CMBL: variants seen among roughly 807,000 people sequenced by gnomAD.
CMBL encodes the protein carboxymethylenebutenolidase homolog (Pseudomonas).
CMBL carries 17 observed loss-of-function variants against 28.7 expected under a neutral mutation model. The observed-to-expected ratio is 0.59, with a 90% CI of 0.41 to 0.89. The LOEUF (loss-of-function observed/expected upper bound fraction) is 0.89, where lower values mean the gene tolerates loss of function less well. CMBL is among the 40% of genes least tolerant of loss of function. CMBL has a pLI of 0.00. For missense variants in CMBL, 310 were observed against 298.5 expected, an observed-to-expected ratio of 1.04 and a Z score of -0.28; for synonymous variants, 106 against 101.6, an observed-to-expected ratio of 1.04 and a Z score of -0.26.
intron 1 of CMBL, among the ~76,000 whole-genome samples, chr5:10,294,871 T>C (rs1225403466): frequency 6.6e-6 from 1 of 152,100 alleles, no homozygotes; most frequent in Non-Finnish European, 1.5e-5. Flanking sequence ...TGAGAAGGGA[T>C]GTGGGAAGAG....
chr5:10,301,504 C>G (rs73741246), intron 1 of CMBL, among the ~76,000 whole-genome samples: 18,862 of 150,820 alleles, frequency 0.13, 2,105 homozygotes, highest in African/African-American at 0.3. Context: ...GGGGTGGGGG[C>G]GCGTGGGGCA....
At chr5:10,284,449 C>A (rs981769720) in intron 4 of CMBL, among the ~76,000 whole-genome samples, 8 of 152,212 alleles carry the variant, frequency 5.3e-5, no homozygotes, top group African/African-American at 1.9e-4. Context: ...CCAGGCCTAA[C>A]GATGGTTCCA....
rs1276638917 is a variant in CMBL, at chr5:10,301,452, C to T, written c.-20+6173G>A. ...AACTCTCAAGCCATGTTTCCCTCTG[C>T]TCTCACAATACAGCGATCATCAACA... On this transcript the variant is annotated intron_variant, in intron 1 of 5. Coordinates refer to ENST00000296658, the MANE Select transcript of CMBL (RefSeq NM_138809.4). 3.3e-5 allele frequency among the ~76,000 whole-genome samples: 5 copies of T among 152,014 alleles called. No individual in the cohort carries two copies. In the South Asian group the frequency reaches 8.3e-4, roughly 25 times the overall value.
intron 4 of CMBL, among the ~76,000 whole-genome samples, chr5:10,285,818 C>T (rs925380938): frequency 6.6e-6 from 1 of 151,282 alleles, no homozygotes; most frequent in African/African-American, 2.4e-5. Flanking sequence ...CCCACCTCAG[C>T]CTCCGGAGTA....
At chr5:10,286,320 C>T (rs1561062078) in intron 4 of CMBL, 34 bp downstream of exon 4, 1 of 1,601,856 alleles carries the variant, frequency 6.2e-7, no homozygotes, top group South Asian at 1.1e-5. Context: ...CCCCTCCCTT[C>T]TGCATGGAGT....
At chr5:10,288,305 T>C (rs537327559) in intron 3 of CMBL, 117 bp downstream of exon 3, 116 of 741,528 alleles carry the variant, frequency 1.6e-4, no homozygotes, top group South Asian at 5.1e-4. Flanking sequence ...AAGGATTCCA[T>C]TGGCCATGGA....
At chr5:10,300,041 C>T (rs1011121272) in intron 1 of CMBL, among the ~76,000 whole-genome samples, 1 of 152,146 alleles carries the variant, frequency 6.6e-6, no homozygotes, top group African/African-American at 2.4e-5. Context: ...TAAGTCCTAT[C>T]CCCCACTCCC....
chr5:10,304,956 G>A (rs1746970694), intron 1 of CMBL, among the ~76,000 whole-genome samples: 1 of 152,184 alleles, frequency 6.6e-6, no homozygotes, highest in African/African-American at 2.4e-5. Flanking sequence ...TTCCACTGAG[G>A]CACTTTTTAC....
At chr5:10,305,720 T>C (rs542941852) in intron 1 of CMBL, among the ~76,000 whole-genome samples, 1 of 152,084 alleles carries the variant, frequency 6.6e-6, no homozygotes, top group African/African-American at 2.4e-5. Context: ...TATAGGCACA[T>C]GCCACCACGC....
chr5:10,284,648 C>T (rs1380291189), intron 4 of CMBL, among the ~76,000 whole-genome samples: 2 of 152,170 alleles, frequency 1.3e-5, no homozygotes, highest in Non-Finnish European at 2.9e-5. Flanking sequence ...TAGCCTGATG[C>T]AGGTGTTTCG....
intron 1 of CMBL, 89 bp downstream of exon 1, chr5:10,307,533 CCTT>C (rs1485436637): frequency 6.6e-6 from 1 of 152,224 alleles, no homozygotes; most frequent in Admixed American, 6.5e-5. Context: ...GCGGCAAAGA[CCTT>C]CTTTGCCATA....
chr5:10,282,436 G>C, intron 4 of CMBL, 148 bp from the exon 5 acceptor site: 3 of 591,066 alleles, frequency 5.1e-6, no homozygotes, highest in South Asian at 2.1e-5. Flanking sequence ...CTGCTTTGCG[G>C]ACTTTATTTT....
rs762358334 is a variant in CMBL, at chr5:10,290,737, G to A, written c.26C>T (p.Pro9Leu). The A allele has an allele frequency of 1.9e-5, 30 of 1,614,066 alleles. No homozygotes were observed. Among genetic ancestry groups the A allele is most frequent in the East Asian group, 8.9e-5 (4 of 44,900 alleles). The change falls in exon 2 of 6, where the codon CCG (proline) becomes CTG (leucine). Residue 9 changes from proline (P) to leucine (L), a missense_variant. Transcript: ENST00000296658. MANEAYPCPCDIGHRLEYG... is the reference protein window; with the variant it reads MANEAYPCLCDIGHRLEYG... ...CTCAAGTCTGTGGCCAATGTCACAC[G>A]GACAAGGATAAGCTTCGTTAGCCAT...
At position 10,290,724 on chromosome 5, in the gene CMBL, G is replaced by T. The variant is rs1746697459; in HGVS notation, c.39C>A (p.Gly13=). ...NEAYPCPCDI[G]HRLEYGGLGR... ...CTAGCCCTCCATACTCAAGTCTGTG[G>T]CCAATGTCACACGGACAAGGATAAG... Residue 13 remains glycine (G), a synonymous_variant, in exon 2 of 6, where the codon GGC becomes GGA. Transcript: ENST00000296658. The T allele has an allele frequency of 8.7e-6, 14 of 1,614,056 alleles. No homozygotes were observed. Among genetic ancestry groups the T allele is most frequent in the Non-Finnish European group, 1.2e-5 (14 of 1,180,044 alleles).
rs563538146 is a variant in CMBL at position 10,282,086 on chromosome 5, G to A, written c.558+111C>T. On this transcript the variant is annotated intron_variant, in intron 5 of 5. Coordinates refer to ENST00000296658, the MANE Select transcript of CMBL (RefSeq NM_138809.4). ...GAGGCACAAGAATGGCTTGAACCTG[G>A]GAGGTGGAGGTTGCAGTGAGCCGAG... 423 of 712,754 alleles carry A rather than the reference G, an allele frequency of 5.9e-4. 4 individuals are homozygous for A. In the Middle Eastern group the frequency reaches 0.01, roughly 17 times the overall value. The allele number at this position is 712,754 out of a possible 1,614,324, so 44.2% of individuals were successfully genotyped here.
intron 4 of CMBL, among the ~76,000 whole-genome samples, chr5:10,284,972 T>C (rs1746570515): frequency 6.6e-6 from 1 of 152,112 alleles, no homozygotes; most frequent in Admixed American, 6.5e-5. Context: ...TTTTAGAGTG[T>C]GTTTTCCTTG....
At chr5:10,291,380 C>T (rs950959816) in intron 1 of CMBL, among the ~76,000 whole-genome samples, 3 of 151,956 alleles carry the variant, frequency 2.0e-5, no homozygotes, top group African/African-American at 4.8e-5. Flanking sequence ...AAGCAATCCT[C>T]GGCCGGGCGC....
chr5:10,302,587 G>A (rs1411706982), intron 1 of CMBL, among the ~76,000 whole-genome samples: 1 of 150,420 alleles, frequency 6.6e-6, no homozygotes, highest in Admixed American at 6.6e-5. Context: ...AGGTTGCAGC[G>A]AGACTCTGTC....
At chr5:10,281,612 T>G (rs1157256593) in intron 5 of CMBL, among the ~76,000 whole-genome samples, 1 of 152,208 alleles carries the variant, frequency 6.6e-6, no homozygotes, top group Non-Finnish European at 1.5e-5. Context: ...CAGACTTTAT[T>G]GTAATTTGTG....
Sources: gnomAD v4.1 joint callset for allele counts (sites outside exome capture counted in the v4.1 genomes callset) on GRCh38, gnomAD v4.1.1 for gene constraint, MANE v1.5 for transcripts, NCBI Gene and HGNC (gene_info 2026-07-23, HGNC 2026-07-21) for gene names.